The following RTL9 variants were observed in gnomAD, a reference collection of about 807,000 sequenced individuals.
RTL9 encodes the protein retrotransposon Gag like 9.
A neutral mutation model predicts 44.7 loss-of-function variants in RTL9; 19 were observed. The ratio of observed to expected loss-of-function variants is 0.42; its 90% confidence interval spans 0.30 to 0.62. The LOEUF (loss-of-function observed/expected upper bound fraction) is 0.62. Ranked by LOEUF, RTL9 falls within the 20% of genes least tolerant of loss-of-function variation. RTL9 has a pLI of 0.16. For synonymous variants in RTL9, 407 were observed against 398.9 expected (o/e 1.02, Z -0.24); for missense variants, 1,105 against 1,080.6 (o/e 1.02, Z -0.32).
intron 1 of RTL9, among the ~76,000 whole-genome samples, chrX:110,408,685 C>T (rs1387913478): frequency 3.6e-5 from 4 of 112,098 alleles, no homozygotes; most frequent in Non-Finnish European, 1.9e-5. Flanking sequence ...TGTGATGTTG[C>T]TTTTGGAATT....
At chrX:110,405,092 C>G (rs771737327) in intron 1 of RTL9, among the ~76,000 whole-genome samples, 7 of 90,645 alleles carry the variant, frequency 7.7e-5, no homozygotes, top group East Asian at 6.9e-4. Context: ...GTTGTGTCCC[C>G]CCCCCCCCCA....
chrX:110,427,566 T>C (rs760293899), intron 1 of RTL9, among the ~76,000 whole-genome samples: 5 of 111,861 alleles, frequency 4.5e-5, no homozygotes, highest in Non-Finnish European at 9.4e-5. Flanking sequence ...GAGGGAGCTT[T>C]TAAAAGTTCT....
At chrX:110,409,652 T>C (rs1420114569) in intron 1 of RTL9, among the ~76,000 whole-genome samples, 1 of 110,318 alleles carries the variant, frequency 9.1e-6, no homozygotes, top group Non-Finnish European at 1.9e-5. Context: ...TGCTGTTTTT[T>C]TTTTTTCACT....
At chrX:110,398,094 G>C (rs1449128881) in intron 1 of RTL9, among the ~76,000 whole-genome samples, 1 of 111,688 alleles carries the variant, frequency 9.0e-6, no homozygotes, top group Non-Finnish European at 1.9e-5. Context: ...TCCAACAAAG[G>C]CAGGCCGGCC....
At chrX:110,364,057 G>A (rs2068281334) in intron 1 of RTL9, among the ~76,000 whole-genome samples, 1 of 111,454 alleles carries the variant, frequency 9.0e-6, no homozygotes, top group African/African-American at 3.3e-5. Context: ...GAGGCCAGAA[G>A]TTCAAAATCA....
intron 1 of RTL9, among the ~76,000 whole-genome samples, chrX:110,379,985 G>A (rs1487973850): frequency 2.7e-5 from 3 of 111,827 alleles, no homozygotes; most frequent in Non-Finnish European, 5.6e-5. Context: ...GAGTCTCTGT[G>A]AGAGGAAATG....
At position 110,451,440 on chromosome X, in the gene RTL9, G is replaced by A. The variant is rs778136745; in HGVS notation, c.823G>A (p.Ala275Thr). 74 of 1,210,106 alleles carry A rather than the reference G, an allele frequency of 6.1e-5. No individual in the cohort carries two copies. The highest frequency in any genetic ancestry group is 5.6e-5 in the Non-Finnish European group (50 of 895,195). The change falls in exon 1 of 2, where the codon GCT becomes ACT. Residue 275 changes from alanine (A) to threonine (T), a missense_variant. By Grantham distance (58) the Ala-to-Thr change is moderately conservative. Transcript: ENST00000540313. ...AGCAATATCCTCACTGATAATGTCAGCTGTAGCTTCTGGAGGTACATCACC... is the reference window on the plus strand; with the variant it reads ...AGCAATATCCTCACTGATAATGTCAACTGTAGCTTCTGGAGGTACATCACC...
chrX:110,450,922 C>T, exon 1 of RTL9: 4 of 1,212,009 alleles, frequency 3.3e-6, no homozygotes, highest in Non-Finnish European at 3.3e-6. Context: ...GCACTTTCCC[C>T]ATTGCTAATG....
At chrX:110,401,765 C>A (rs772732551) in intron 1 of RTL9, among the ~76,000 whole-genome samples, 1 of 112,037 alleles carries the variant, frequency 8.9e-6, no homozygotes. Context: ...TCTCAGTGAG[C>A]CTTCGTTTCC....
chrX:110,367,783 A>G (rs1569415839), intron 1 of RTL9, among the ~76,000 whole-genome samples: 1 of 110,054 alleles, frequency 9.1e-6, no homozygotes, highest in Non-Finnish European at 1.9e-5. Flanking sequence ...GATCCTATCT[A>G]TCAGCAATAC....
intron 1 of RTL9, among the ~76,000 whole-genome samples, chrX:110,366,517 C>T (rs951522668): frequency 3.6e-5 from 4 of 111,698 alleles, no homozygotes; most frequent in African/African-American, 1.3e-4. Context: ...TCAGCCCTTA[C>T]ATGATAAAAG....
At chrX:110,420,708 T>G (rs1253836072) in intron 1 of RTL9, among the ~76,000 whole-genome samples, 3 of 111,561 alleles carry the variant, frequency 2.7e-5, no homozygotes. Context: ...AACCGGCTGG[T>G]TTTTTAAACA....
intron 1 of RTL9, among the ~76,000 whole-genome samples, chrX:110,443,846 A>C (rs898903754): frequency 4.4e-5 from 5 of 112,499 alleles, no homozygotes; most frequent in African/African-American, 1.3e-4. Context: ...CGTGGAGCTT[A>C]AAATGTAAAC....
At chrX:110,395,618 G>T (rs1246682481) in intron 1 of RTL9, among the ~76,000 whole-genome samples, 1 of 112,271 alleles carries the variant, frequency 8.9e-6, no homozygotes, top group Non-Finnish European at 1.9e-5. Flanking sequence ...TCTAACTTTT[G>T]AGACAACCTT....
At chrX:110,414,129 A>C (rs765546377), upstream of RTL9, among the ~76,000 whole-genome samples, 1 of 112,051 alleles carries the variant, frequency 8.9e-6, no homozygotes, top group South Asian at 3.8e-4. Context: ...AGTCTGGATA[A>C]ATTTAACTGA....
chrX:110,435,179 AGGAG>A (rs1439070267), intron 1 of RTL9, among the ~76,000 whole-genome samples: 1 of 104,287 alleles, frequency 9.6e-6, no homozygotes, highest in African/African-American at 3.5e-5. Flanking sequence ...GAAGGAGGGA[AGGAG>A]GGAGGGAGGA....
chrX:110,366,558 A>G (rs2068298558), intron 1 of RTL9, among the ~76,000 whole-genome samples: 1 of 111,657 alleles, frequency 9.0e-6, no homozygotes, highest in Admixed American at 9.5e-5. Flanking sequence ...TAAACTATAG[A>G]GTACTGTCCC....
chrX:110,399,605 A>G (rs764680720), intron 1 of RTL9, among the ~76,000 whole-genome samples: 2 of 112,592 alleles, frequency 1.8e-5, no homozygotes, highest in South Asian at 3.7e-4. Context: ...TTGACATGTT[A>G]GGAGAGCTGA....
intron 1 of RTL9, among the ~76,000 whole-genome samples, chrX:110,373,760 A>G (rs2068356444): frequency 8.9e-6 from 1 of 112,354 alleles, no homozygotes; most frequent in African/African-American, 3.2e-5. Flanking sequence ...CATAATACAT[A>G]AAGCAAGAGC....
Sources: gnomAD v4.1 joint callset for allele counts (sites outside exome capture counted in the v4.1 genomes callset) on GRCh38, gnomAD v4.1.1 for gene constraint, MANE v1.5 for transcripts, NCBI Gene and HGNC (gene_info 2026-07-23, HGNC 2026-07-21) for gene names.